The following PPP4R1 variants were observed in gnomAD, a reference collection of about 807,000 sequenced individuals.
PPP4R1 encodes protein phosphatase 4 regulatory subunit 1.
Under a neutral mutation model 111.2 loss-of-function variants are expected in PPP4R1, and 42 were observed. The observed-to-expected ratio is 0.38, with a 90% CI of 0.29 to 0.49. PPP4R1 has a LOEUF of 0.49. Ranked by LOEUF, PPP4R1 falls within the 20% of genes least tolerant of loss-of-function variation. The pLI, the probability that PPP4R1 is intolerant of heterozygous loss-of-function variation, is 0.97. For missense variants in PPP4R1, 1,012 were observed against 1,161.6 expected (o/e 0.87, Z 1.87); for synonymous variants, 409 against 405.5 (o/e 1.01, Z -0.10).
intron 6 of PPP4R1, among the ~76,000 whole-genome samples, chr18:9,586,800 T>C (rs1476357815): frequency 6.6e-6 from 1 of 152,162 alleles, no homozygotes; most frequent in East Asian, 1.9e-4. Context: ...CTTTTCTAAT[T>C]TACCATGAGA....
chr18:9,564,696 T>C (rs1319652258), intron 11 of PPP4R1, among the ~76,000 whole-genome samples: 1 of 84,824 alleles, frequency 1.2e-5, no homozygotes, highest in Non-Finnish European at 2.4e-5. Flanking sequence ...ATAAAGTGCA[T>C]GGTGTGTGTG....
intron 9 of PPP4R1, among the ~76,000 whole-genome samples, chr18:9,579,338 C>T (rs1007362194): frequency 1.3e-5 from 2 of 152,132 alleles, no homozygotes; most frequent in African/African-American, 4.8e-5. Context: ...AAAAAACCCA[C>T]AAGTCACTCA....
Position 9,588,795 on chromosome 18 carries a change from T to C in PPP4R1, c.354A>G (p.Gln118=), listed in dbSNP as rs61756435. The C allele has an allele frequency of 9.5e-5, 154 of 1,614,076 alleles. No individual in the cohort carries two copies. Among genetic ancestry groups the C allele is most frequent in the Non-Finnish European group, 1.2e-4 (142 of 1,180,032 alleles). The change falls in exon 5 of 20, where the codon CAA becomes CAG. Residue 118 remains glutamine (Q), a synonymous_variant. Coordinates refer to ENST00000400556, the MANE Select transcript of PPP4R1 (RefSeq NM_001042388.3). ...CATATGGTATTGAAGGCCGGTTTTC[T>C]TGACAAAACAGTGCGATGTGAGGCA... ...EQVPHIALFC[Q]ENRPSIPYAF...
chr18:9,566,640 G>A lies in PPP4R1; in HGVS notation c.1574-3090C>T, dbSNP rs1312414698. Among the ~76,000 whole-genome samples the A allele has an allele frequency of 2.2e-5, 3 of 139,198 alleles. No individual in the cohort carries two copies. The East Asian group carries it at 6.3e-4, about 29-fold the overall frequency. The allele number at this position is 139,198 out of a possible 152,430, so 91.3% of individuals were successfully genotyped here. A position where few individuals can be genotyped will look rare whatever the true frequency, so the allele number is the denominator to read the frequency against. Reference sequence around the variant, plus strand: ...CACTCCAGCCTGGGTGACGGAGTGAGGCGCTGTGACACACACACACACACA... The same window carrying A: ...CACTCCAGCCTGGGTGACGGAGTGAAGCGCTGTGACACACACACACACACA... On this transcript the variant is annotated intron_variant, in intron 11 of 19. Coordinates refer to ENST00000400556, the MANE Select transcript of PPP4R1 (RefSeq NM_001042388.3).
rs1360590328 is a variant in PPP4R1 at position 9,550,193 on chromosome 18, G to A, written c.2413-7C>T. 3.1e-6 allele frequency: 5 copies of A among 1,614,066 alleles called. No homozygotes were observed. Among genetic ancestry groups the A allele is most frequent in the South Asian group, 2.2e-5 (2 of 91,084 alleles). Reference sequence around the variant, plus strand: ...TCTTCACCATCTCGCTGACCTGGGAGGGTGAGCATGGAGAAATGAGGAACA... The same window carrying A: ...TCTTCACCATCTCGCTGACCTGGGAAGGTGAGCATGGAGAAATGAGGAACA... On this transcript the variant is annotated splice_region_variant and splice_polypyrimidine_tract_variant and intron_variant, in intron 17 of 19. Coordinates refer to ENST00000400556, the MANE Select transcript of PPP4R1 (RefSeq NM_001042388.3).
chr18:9,584,669 A>C (rs1289452833), intron 7 of PPP4R1, 52 bp downstream of exon 7: 3 of 1,603,648 alleles, frequency 1.9e-6, no homozygotes, highest in Admixed American at 1.7e-5. Context: ...TCAGTACATT[A>C]ACCACTAGAA....
chr18:9,549,991 TA>T, intron 18 of PPP4R1, 60 bp downstream of exon 18: 1 of 1,606,272 alleles, frequency 6.2e-7, no homozygotes, highest in Non-Finnish European at 8.5e-7. Context: ...GGTAGGAAGT[TA>T]AAGAAGACAT....
chr18:9,570,653 T>G lies in PPP4R1; in HGVS notation c.1077A>C (p.Val359=). ...RTRDQEAPED[V]QVRPEDTPSD... ...AAGGAGTATCCTCTGGCCTGACTTG[T>G]ACATCCTCTGGGGCTTCTTGATCTC... The change falls in exon 11 of 20, where the codon GTA becomes GTC. Residue 359 remains valine, a synonymous_variant. Coordinates refer to ENST00000400556, the MANE Select transcript of PPP4R1 (RefSeq NM_001042388.3). 6.3e-7 allele frequency: 1 copy of G among 1,591,734 alleles called. No individual in the cohort carries two copies. The highest frequency in any genetic ancestry group is 8.6e-7 in the Non-Finnish European group (1 of 1,168,420).
intron 9 of PPP4R1, among the ~76,000 whole-genome samples, chr18:9,581,832 G>A (rs946992885): frequency 3.9e-5 from 6 of 152,090 alleles, no homozygotes; most frequent in South Asian, 2.1e-4. Context: ...AGCAACAAGC[G>A]AAAAATGACA....
At chr18:9,580,000 C>T (rs1429327721) in intron 9 of PPP4R1, among the ~76,000 whole-genome samples, 1 of 152,152 alleles carries the variant, frequency 6.6e-6, no homozygotes, top group African/African-American at 2.4e-5. Context: ...CAATCCAAAA[C>T]AACGACCAAA....
At chr18:9,611,683 C>T (rs781586061) in intron 2 of PPP4R1, among the ~76,000 whole-genome samples, 2 of 152,186 alleles carry the variant, frequency 1.3e-5, no homozygotes, top group African/African-American at 2.4e-5. Context: ...TCTGTTTTAT[C>T]CTAAATTAAA....
chr18:9,577,330 C>A, intron 9 of PPP4R1, 139 bp from the exon 10 acceptor site: 1 of 1,017,828 alleles, frequency 9.8e-7, no homozygotes, highest in South Asian at 1.7e-5. Flanking sequence ...TAAAGGAAGC[C>A]CAGATTCAGA....
At chr18:9,599,266 T>C (rs1205488449) in intron 2 of PPP4R1, among the ~76,000 whole-genome samples, 1 of 152,188 alleles carries the variant, frequency 6.6e-6, no homozygotes, top group Non-Finnish European at 1.5e-5. Context: ...AAGAGATACA[T>C]ATTACTTGAA....
intron 10 of PPP4R1, among the ~76,000 whole-genome samples, chr18:9,574,642 G>A (rs2066910110): frequency 6.6e-6 from 1 of 152,202 alleles, no homozygotes; most frequent in Non-Finnish European, 1.5e-5. Context: ...GGAGACAAAG[G>A]GAGGAGCTGG....
chr18:9,565,407 A>C (rs2066749555), intron 11 of PPP4R1, among the ~76,000 whole-genome samples: 1 of 152,216 alleles, frequency 6.6e-6, no homozygotes, highest in South Asian at 2.1e-4. Flanking sequence ...AGGAAGAATA[A>C]CATGTCTCTC....
intron 2 of PPP4R1, among the ~76,000 whole-genome samples, chr18:9,606,866 T>G (rs2067489983): frequency 6.6e-6 from 1 of 152,164 alleles, no homozygotes; most frequent in Non-Finnish European, 1.5e-5. Context: ...TTATAGATAT[T>G]TGTTCCCTTC....
intron 11 of PPP4R1, among the ~76,000 whole-genome samples, chr18:9,569,778 C>T (rs2066829162): frequency 6.6e-6 from 1 of 152,064 alleles, no homozygotes; most frequent in African/African-American, 2.4e-5. Context: ...GAGCAAGCTG[C>T]TGCATGATCC....
At chr18:9,587,390 CTTTCTTTTTTTT>C (rs945672319) in intron 6 of PPP4R1, 1 of 141,344 alleles carries the variant, frequency 7.1e-6, no homozygotes, top group Non-Finnish European at 1.5e-5. Flanking sequence ...TTCTTTCTTT[CTTTCTTTTTTTT>C]TTTTTGTTTT....
chr18:9,604,964 T>C (rs2067453833), intron 2 of PPP4R1, among the ~76,000 whole-genome samples: 1 of 152,232 alleles, frequency 6.6e-6, no homozygotes, highest in African/African-American at 2.4e-5. Context: ...ATTAATACCT[T>C]GAGAAGTATC....
Sources: gnomAD v4.1 joint callset for allele counts (sites outside exome capture counted in the v4.1 genomes callset) on GRCh38, gnomAD v4.1.1 for gene constraint, MANE v1.5 for transcripts, NCBI Gene and HGNC (gene_info 2026-07-23, HGNC 2026-07-21) for gene names.